PGAP4: variants seen among roughly 807,000 people sequenced by gnomAD.
PGAP4 encodes the protein post-GPI attachment to proteins GalNAc transferase 4, also known as GPI-N-acetylgalactosamine transferase PGAP4.
In PGAP4, 12 loss-of-function variants were observed where a neutral mutation model predicts 28.2. That is an observed-to-expected ratio of 0.42 (90% CI 0.27 to 0.69). The LOEUF (loss-of-function observed/expected upper bound fraction) is 0.69. Among genes scored for constraint, PGAP4 ranks in the 30% least tolerant of loss-of-function variants. PGAP4 has a pLI of 0.22. For missense variants in PGAP4, 425 were observed against 513.5 expected, an observed-to-expected ratio of 0.83 and a Z score of 1.67; for synonymous variants, 205 against 211.8, an observed-to-expected ratio of 0.97 and a Z score of 0.28.
intron 2 of PGAP4, among the ~76,000 whole-genome samples, chr9:101,513,681 G>T (rs559816616): frequency 6.8e-6 from 1 of 146,712 alleles, no homozygotes; most frequent in Non-Finnish European, 1.5e-5. Flanking sequence ...TGGATGGACA[G>T]ATAGGTAGAT....
chr9:101,530,357 T>C lies in PGAP4; in HGVS notation c.-165+991A>G, dbSNP rs967574268. ...GCTGGAGGTCGAATGACTTGGGTCC[T>C]TCAACAAATACTCATTAAGTCATCA... is the stretch of plus-strand genomic sequence containing the variant. On this transcript the variant is annotated intron_variant, in intron 2 of 3. Coordinates refer to the PGAP4 transcript ENST00000374851. Among the ~76,000 whole-genome samples, 8 of 152,294 alleles carry C rather than the reference T, an allele frequency of 5.3e-5. No individual in the cohort carries two copies. In the South Asian group the frequency reaches 8.3e-4, roughly 16 times the overall value.
intron 2 of PGAP4, among the ~76,000 whole-genome samples, chr9:101,493,252 CA>C (rs34195899): frequency 0.033 from 3,897 of 116,888 alleles, 128 homozygotes; most frequent in African/African-American, 0.098. Context: ...GACTCCATCT[CA>C]AAAAAAAAAA....
intron 1 of PGAP4, among the ~76,000 whole-genome samples, chr9:101,531,722 C>T (rs1440409517): frequency 6.6e-6 from 1 of 152,072 alleles, no homozygotes; most frequent in Non-Finnish European, 1.5e-5. Flanking sequence ...TTAATGGAAT[C>T]AAAGTGCTAT....
At chr9:101,512,819 A>C (rs544380170) in intron 2 of PGAP4, among the ~76,000 whole-genome samples, 1 of 152,050 alleles carries the variant, frequency 6.6e-6, no homozygotes, top group African/African-American at 2.4e-5. Context: ...ATTTGCATTC[A>C]ATTTTTTTTA....
At chr9:101,489,242 TA>T (rs1336495340), upstream of PGAP4, 1 of 152,110 alleles carries the variant, frequency 6.6e-6, no homozygotes, top group Non-Finnish European at 1.5e-5. Context: ...AGAAGAATAA[TA>T]AAATAAGAGG....
rs893005336 is a variant in PGAP4 at position 101,487,163 on chromosome 9, G to A, written c.-292C>T. On this transcript the variant is annotated 5_prime_UTR_variant, in exon 1 of 2. Coordinates refer to ENST00000374848, the MANE Select transcript of PGAP4 (RefSeq NM_032342.3). The stretch of plus-strand genomic sequence containing the variant: ...CTCAGGCGGGCCATGTGACCCGCGA[G>A]CTGCGGAGAGACCGCGGCCCCCAAA... 3 of 152,228 alleles carry A rather than the reference G, an allele frequency of 2.0e-5. No homozygotes were observed. The highest frequency in any genetic ancestry group is 2.1e-4 in the South Asian group (1 of 4,838). The allele number at this position is 152,228 out of a possible 1,614,324, so 9.4% of individuals were successfully genotyped here. A position where few individuals can be genotyped will look rare whatever the true frequency, so the allele number is the denominator to read the frequency against.
At chr9:101,513,659 C>A (rs1826917784) in intron 2 of PGAP4, among the ~76,000 whole-genome samples, 1 of 151,448 alleles carries the variant, frequency 6.6e-6, no homozygotes, top group Non-Finnish European at 1.5e-5. Flanking sequence ...GGAACAGAAC[C>A]AATGGGATGG....
intron 2 of PGAP4, among the ~76,000 whole-genome samples, chr9:101,524,400 T>C (rs1827015457): frequency 1.3e-5 from 2 of 152,148 alleles, no homozygotes; most frequent in African/African-American, 4.8e-5. Context: ...CCAGGCTATC[T>C]ACCTCCCAGC....
Position 101,474,562 on chromosome 9 carries a change from G to A in PGAP4, c.*1319C>T, listed in dbSNP as rs569530486. ...ATTCTTCTTTTTGGCTTGGGTGAACGTGGGGATAGGTGAAAGCTGAGCTGC... is the reference window on the plus strand; with the variant it reads ...ATTCTTCTTTTTGGCTTGGGTGAACATGGGGATAGGTGAAAGCTGAGCTGC... On this transcript the variant is annotated 3_prime_UTR_variant, in exon 2 of 2. Transcript: ENST00000374848. 4.6e-5 allele frequency: 7 copies of A among 152,276 alleles called. No homozygotes were observed. The highest frequency in any genetic ancestry group is 9.6e-5 in the African/African-American group (4 of 41,572). The allele number at this position is 152,276 out of a possible 1,614,324, so 9.4% of individuals were successfully genotyped here.
At chr9:101,520,772 G>C (rs969614792) in intron 2 of PGAP4, among the ~76,000 whole-genome samples, 2 of 152,128 alleles carry the variant, frequency 1.3e-5, no homozygotes, top group African/African-American at 4.8e-5. Context: ...GGAGTGGTGA[G>C]AGTGGGCATC....
intron 1 of PGAP4, among the ~76,000 whole-genome samples, chr9:101,531,874 T>G (rs944237722): frequency 2.6e-5 from 4 of 152,226 alleles, no homozygotes; most frequent in Non-Finnish European, 4.4e-5. Flanking sequence ...GTGATGATAC[T>G]CAAATTAAAC....
chr9:101,516,636 G>A (rs1826946163), intron 2 of PGAP4, among the ~76,000 whole-genome samples: 1 of 152,110 alleles, frequency 6.6e-6, no homozygotes, highest in Non-Finnish European at 1.5e-5. Context: ...GTATTTATCA[G>A]ACATTTTCAA....
chr9:101,530,138 A>T (rs140310851), intron 2 of PGAP4, among the ~76,000 whole-genome samples: 2 of 152,374 alleles, frequency 1.3e-5, no homozygotes, highest in East Asian at 3.9e-4. Context: ...AAAATCCAAA[A>T]TATCTTAATT....
At chr9:101,490,491 A>C (rs1826677052), upstream of PGAP4, among the ~76,000 whole-genome samples, 1 of 152,188 alleles carries the variant, frequency 6.6e-6, no homozygotes, top group South Asian at 2.1e-4. Flanking sequence ...CGCTCAGCCC[A>C]AACCTTTGAT....
chr9:101,507,051 C>A (rs778045622), intron 2 of PGAP4, among the ~76,000 whole-genome samples: 2 of 151,990 alleles, frequency 1.3e-5, no homozygotes, highest in Non-Finnish European at 2.9e-5. Context: ...TCTAGTTGAC[C>A]CCAACAGTCA....
Position 101,476,766 on chromosome 9 carries a change from C to T in PGAP4, c.327G>A (p.Val109=), listed in dbSNP as rs368654305. 3 of 1,613,396 alleles carry T rather than the reference C, an allele frequency of 1.9e-6. No individual in the cohort carries two copies. Among genetic ancestry groups the T allele is most frequent in the Admixed American group, 3.3e-5 (2 of 60,016 alleles). ...CGTAGTGGAAGCCAGGCTGCCTGTC[C>T]ACAGTGATGATGGTGATCACCAGCC... ...RPWLVITIIT[V]DRQPGFHYVL... The change falls in exon 2 of 2, where the codon GTG becomes GTA. Residue 109 remains valine, a synonymous_variant. Transcript: ENST00000374848. The surrounding 1 kb of genome is among the most constrained non-coding windows in gnomAD (Gnocchi z 7.0).
intron 2 of PGAP4, among the ~76,000 whole-genome samples, chr9:101,502,627 T>C (rs1826813774): frequency 6.6e-6 from 1 of 152,062 alleles, no homozygotes; most frequent in Admixed American, 6.6e-5. Context: ...AAAAGAAGAA[T>C]ACATTGTGTG....
chr9:101,481,631 A>G (rs555253775), intron 1 of PGAP4: 13 of 152,348 alleles, frequency 8.5e-5, no homozygotes, highest in African/African-American at 3.1e-4. Context: ...ATGAACATGA[A>G]CTAGGGCTTA....
upstream of PGAP4, among the ~76,000 whole-genome samples, chr9:101,491,320 C>T (rs370452738): frequency 2.6e-5 from 4 of 152,204 alleles, no homozygotes; most frequent in East Asian, 7.7e-4. Context: ...ACCAACCTGG[C>T]ACCAGCTAGC....
Sources: allele counts gnomAD v4.1 joint callset (sites outside exome capture counted in the v4.1 genomes callset), GRCh38; gene constraint gnomAD v4.1.1; non-coding constraint Gnocchi (gnomAD v3.1); transcripts MANE v1.5; gene names NCBI Gene and HGNC (gene_info 2026-07-23, HGNC 2026-07-21).